The following WDR41 variants were observed in gnomAD, a reference collection of about 807,000 sequenced individuals.
WDR41 encodes the protein WD repeat-containing protein 41.
WDR41 carries 63 observed loss-of-function variants against 69.3 expected under a neutral mutation model. That is an observed-to-expected ratio of 0.91 (90% CI 0.74 to 1.12). The LOEUF (loss-of-function observed/expected upper bound fraction) is 1.12, where lower values mean the gene tolerates loss of function less well. WDR41 is among the 50% of genes most tolerant of loss of function. The pLI, the probability that WDR41 is intolerant of heterozygous loss-of-function variation, is 0.00. For missense variants in WDR41, 543 were observed against 534.5 expected (o/e 1.02, Z -0.16); for synonymous variants, 185 against 192.1 (o/e 0.96, Z 0.31).
chr5:77,510,594 T>G (rs1171445572), intron 1 of WDR41, among the ~76,000 whole-genome samples: 5 of 152,084 alleles, frequency 3.3e-5, no homozygotes, highest in Admixed American at 1.3e-4. Context: ...CATGCCTTTC[T>G]ACTATCTTAA....
intron 1 of WDR41, among the ~76,000 whole-genome samples, chr5:77,609,776 C>T (rs1200755392): frequency 1.3e-5 from 2 of 152,352 alleles, no homozygotes; most frequent in East Asian, 3.9e-4. Context: ...GAACACAGTT[C>T]CTCACCAGCA....
intron 1 of WDR41, among the ~76,000 whole-genome samples, chr5:77,614,361 G>A (rs1184753293): frequency 2.6e-5 from 4 of 151,432 alleles, no homozygotes; most frequent in Admixed American, 2.6e-4. Context: ...GTTTATTGTG[G>A]CACTATTCAC....
At chr5:77,604,785 T>C (rs1744386305) in intron 1 of WDR41, among the ~76,000 whole-genome samples, 1 of 152,086 alleles carries the variant, frequency 6.6e-6, no homozygotes. Flanking sequence ...CATCCATACA[T>C]GAAATACTAC....
At position 77,476,811 on chromosome 5, in the gene WDR41, T is replaced by C. The variant is rs1800957330; in HGVS notation, c.168-12002A>G. Among the ~76,000 whole-genome samples the C allele has an allele frequency of 3.4e-5, 5 of 146,134 alleles. No individual in the cohort carries two copies. In the Admixed American group the frequency reaches 3.4e-4, roughly 10 times the overall value. On this transcript the variant is annotated intron_variant, in intron 2 of 12. Coordinates refer to ENST00000296679, the MANE Select transcript of WDR41 (RefSeq NM_018268.4). ...TAACATCATAATGACAGGATCAAATTCACACATAACAATATTAACTTTAAA... is the reference window on the plus strand; with the variant it reads ...TAACATCATAATGACAGGATCAAATCCACACATAACAATATTAACTTTAAA...
rs543757715 is a variant in WDR41 at position 77,471,655 on chromosome 5, G to T, written c.168-6846C>A. Among the ~76,000 whole-genome samples the T allele has an allele frequency of 2.7e-3, 412 of 152,230 alleles. 2 individuals are homozygous for T. Among genetic ancestry groups the T allele is most frequent in the African/African-American group, 9.2e-3 (384 of 41,538 alleles). Reference sequence around the variant, plus strand: ...CAGAGAATACTAAAAACACCTCTATGCAAATAAACTAGAAAATCTAGAAGA... The same window carrying T: ...CAGAGAATACTAAAAACACCTCTATTCAAATAAACTAGAAAATCTAGAAGA... On this transcript the variant is annotated intron_variant, in intron 2 of 12. Transcript: ENST00000296679.
chr5:77,500,035 A>G (rs1001451585), intron 1 of WDR41, among the ~76,000 whole-genome samples: 1 of 152,250 alleles, frequency 6.6e-6, no homozygotes, highest in Non-Finnish European at 1.5e-5. Context: ...AAGGTCTAGG[A>G]GTATAAGCCC....
intron 1 of WDR41, among the ~76,000 whole-genome samples, chr5:77,583,355 A>G (rs1232502294): frequency 6.6e-6 from 1 of 151,788 alleles, no homozygotes; most frequent in Non-Finnish European, 1.5e-5. Flanking sequence ...TCTCTAAAAA[A>G]AAAAAAAAAT....
At chr5:77,599,822 G>A (rs1398919370) in intron 1 of WDR41, among the ~76,000 whole-genome samples, 1 of 152,144 alleles carries the variant, frequency 6.6e-6, no homozygotes, top group East Asian at 1.9e-4. Context: ...TATGCTTTAG[G>A]GGCAAGATAT....
At chr5:77,607,734 T>A (rs1218983948) in intron 1 of WDR41, among the ~76,000 whole-genome samples, 1 of 152,272 alleles carries the variant, frequency 6.6e-6, no homozygotes, top group South Asian at 2.1e-4. Context: ...TACACATACA[T>A]GTGGAAAATA....
At chr5:77,608,076 G>A (rs374566712) in intron 1 of WDR41, among the ~76,000 whole-genome samples, 2 of 152,000 alleles carry the variant, frequency 1.3e-5, no homozygotes, top group Non-Finnish European at 2.9e-5. Flanking sequence ...AATAACTCCC[G>A]ATTCTCCCCC....
upstream of WDR41, among the ~76,000 whole-genome samples, chr5:77,494,807 C>A (rs1801914418): frequency 6.6e-6 from 1 of 152,086 alleles, no homozygotes; most frequent in Non-Finnish European, 1.5e-5. Flanking sequence ...CTAATTACAT[C>A]TAACATATAA....
chr5:77,489,458 T>C lies in WDR41; in HGVS notation c.166A>G (p.Arg56Gly). The change falls in exon 2 of 13, where the codon AGA becomes GGA. Residue 56 changes from arginine to glycine, a missense_variant and splice_region_variant. Coordinates refer to ENST00000296679, the MANE Select transcript of WDR41 (RefSeq NM_018268.4). ...AATTAGACCACTATAGCTTCTTACC[T>C]GTAGTCATCTAACTGTACCAGAAAT... The part of the protein sequence containing the change: ...VRFLVQLDDY[R>G]FASAGDDGIV... The C allele has an allele frequency of 6.3e-7, 1 of 1,582,432 alleles. No individual in the cohort carries two copies.
chr5:77,507,671 A>C (rs918545837), intron 1 of WDR41, among the ~76,000 whole-genome samples: 1 of 152,224 alleles, frequency 6.6e-6, no homozygotes, highest in Non-Finnish European at 1.5e-5. Flanking sequence ...GGAAAATGTT[A>C]TTCACTATTG....
At chr5:77,489,610 A>G (rs758319236) in intron 1 of WDR41, 38 bp from the exon 2 acceptor site, 1 of 1,273,854 alleles carries the variant, frequency 7.9e-7, no homozygotes, top group South Asian at 1.3e-5. Flanking sequence ...AAAACAAAAG[A>G]CAAAAAAAGA....
At chr5:77,475,557 A>G (rs550201153) in intron 2 of WDR41, among the ~76,000 whole-genome samples, 3 of 152,116 alleles carry the variant, frequency 2.0e-5, no homozygotes, top group Admixed American at 1.3e-4. Flanking sequence ...CCCAGAAGGG[A>G]GAGACTGACA....
chr5:77,615,194 A>G (rs1409453705), intron 1 of WDR41, among the ~76,000 whole-genome samples: 2 of 152,166 alleles, frequency 1.3e-5, no homozygotes, highest in Non-Finnish European at 2.9e-5. Context: ...AAGTCTTAAG[A>G]CCACTCTGTT....
chr5:77,464,820 A>G lies in WDR41; in HGVS notation c.168-11T>C, dbSNP rs1215356648. On this transcript the variant is annotated splice_polypyrimidine_tract_variant and intron_variant, in intron 2 of 12. Coordinates refer to ENST00000296679, the MANE Select transcript of WDR41 (RefSeq NM_018268.4). ...CCAGCAGATGCAAATCTGGTTAGGG[A>G]GAAAGGGTCAAGAAAAAAAAATCAC... 1 of 1,588,100 alleles carries G rather than the reference A, an allele frequency of 6.3e-7. No homozygotes were observed. Among genetic ancestry groups the G allele is most frequent in the Non-Finnish European group, 8.5e-7 (1 of 1,170,392 alleles).
intron 1 of WDR41, among the ~76,000 whole-genome samples, chr5:77,617,949 G>A (rs1744707818): frequency 6.6e-6 from 1 of 152,202 alleles, no homozygotes; most frequent in Non-Finnish European, 1.5e-5. Flanking sequence ...ATGGGCTGCA[G>A]AGGGAGATGT....
chr5:77,478,703 A>C (rs1400549403), intron 2 of WDR41, among the ~76,000 whole-genome samples: 1 of 151,884 alleles, frequency 6.6e-6, no homozygotes, highest in African/African-American at 2.4e-5. Flanking sequence ...TCTATGACAA[A>C]CCCACAGCCA....
Sources: allele counts gnomAD v4.1 joint callset (sites outside exome capture counted in the v4.1 genomes callset), GRCh38; gene constraint gnomAD v4.1.1; transcripts MANE v1.5; gene names NCBI Gene and HGNC (gene_info 2026-07-23, HGNC 2026-07-21).